Variants in CSMD1 observed in about 807,000 individuals in gnomAD.
The protein encoded by CSMD1 is CUB and Sushi multiple domains 1.
CSMD1 carries 213 observed loss-of-function variants against 417.5 expected under a neutral mutation model. The ratio of observed to expected loss-of-function variants is 0.51; its 90% CI spans 0.46 to 0.57. CSMD1 has a LOEUF of 0.57. Ranked by LOEUF, CSMD1 falls within the 20% of genes least tolerant of loss-of-function variation. CSMD1 has a pLI of 0.00. For missense variants in CSMD1, 6,923 were observed against 4,529.7 expected, an observed-to-expected ratio of 1.53 and a Z score of -15.17; for synonymous variants, 2,862 against 1,736.8, an observed-to-expected ratio of 1.65 and a Z score of -16.11.
chr8:3,578,303 A>T (rs1800237370), intron 9 of CSMD1, among the ~76,000 whole-genome samples: 1 of 130,840 alleles, frequency 7.6e-6, no homozygotes, highest in East Asian at 2.2e-4. Flanking sequence ...GAGTAGATCC[A>T]ATGAGTGAGT....
intron 1 of CSMD1, among the ~76,000 whole-genome samples, chr8:4,805,910 T>C (rs1798560631): frequency 6.6e-6 from 1 of 152,172 alleles, no homozygotes; most frequent in Admixed American, 6.5e-5. Flanking sequence ...TCAAATGCGA[T>C]GGCTTGTGGA....
At chr8:4,327,300 C>A (rs1322559426) in intron 3 of CSMD1, among the ~76,000 whole-genome samples, 1 of 152,126 alleles carries the variant, frequency 6.6e-6, no homozygotes, top group African/African-American at 2.4e-5. Context: ...TTACATTTTT[C>A]TCTTCCTTCT....
intron 5 of CSMD1, among the ~76,000 whole-genome samples, chr8:3,791,919 A>C (rs1212401682): frequency 6.6e-6 from 1 of 151,208 alleles, no homozygotes. Context: ...AATGGCAAAA[A>C]CCTCAATAGC....
At chr8:3,859,514 G>T (rs754060797) in intron 5 of CSMD1, among the ~76,000 whole-genome samples, 2 of 152,154 alleles carry the variant, frequency 1.3e-5, no homozygotes, top group African/African-American at 4.8e-5. Context: ...TTTACAGCAG[G>T]AGCTGGCCAC....
chr8:4,722,534 G>A (rs1466087167), intron 1 of CSMD1, among the ~76,000 whole-genome samples: 1 of 152,014 alleles, frequency 6.6e-6, no homozygotes, highest in Non-Finnish European at 1.5e-5. Flanking sequence ...AGTATGCTCT[G>A]AATGGGGTAG....
chr8:3,083,642 A>ATT (rs1814295758), intron 49 of CSMD1, among the ~76,000 whole-genome samples: 1 of 21,608 alleles, frequency 4.6e-5, no homozygotes. Context: ...ATATATATAT[A>ATT]TATATATTTT....
intron 5 of CSMD1, among the ~76,000 whole-genome samples, chr8:3,969,880 C>T (rs546378953): frequency 6.6e-6 from 1 of 152,134 alleles, no homozygotes; most frequent in Admixed American, 6.6e-5. Flanking sequence ...AATTAGAAAG[C>T]AAAGCTCTGG....
intron 11 of CSMD1, among the ~76,000 whole-genome samples, chr8:3,475,120 G>A (rs1817331247): frequency 6.6e-6 from 1 of 152,036 alleles, no homozygotes; most frequent in Non-Finnish European, 1.5e-5. Flanking sequence ...AACTCTTCCT[G>A]CTAAGCTAAG....
chr8:4,020,956 C>T (rs745831324), intron 4 of CSMD1, among the ~76,000 whole-genome samples: 3 of 152,196 alleles, frequency 2.0e-5, no homozygotes, highest in African/African-American at 7.2e-5. Context: ...GTGACGTGGA[C>T]TTTGATATCT....
chr8:4,454,343 A>C (rs1284060383), intron 2 of CSMD1, among the ~76,000 whole-genome samples: 1 of 152,136 alleles, frequency 6.6e-6, no homozygotes, highest in African/African-American at 2.4e-5. Context: ...ATGCAGCTTC[A>C]TCTTACTTTT....
chr8:4,234,888 A>G (rs1469470437), intron 3 of CSMD1, among the ~76,000 whole-genome samples: 1 of 152,116 alleles, frequency 6.6e-6, no homozygotes, highest in East Asian at 1.9e-4. Context: ...CGGTGTGTGA[A>G]CAAAAAACAG....
intron 3 of CSMD1, among the ~76,000 whole-genome samples, chr8:4,172,900 A>T (rs1013707894): frequency 6.6e-6 from 1 of 152,126 alleles, no homozygotes; most frequent in East Asian, 1.9e-4. Context: ...CCAGGAGTTG[A>T]GTCTGAGTCC....
chr8:4,489,673 C>A (rs1801599163), intron 2 of CSMD1, among the ~76,000 whole-genome samples: 2 of 152,168 alleles, frequency 1.3e-5, no homozygotes, highest in Admixed American at 6.5e-5. Context: ...GTGTGAGCAC[C>A]TATGTTTGAT....
chr8:4,362,707 A>T (rs2128908356), intron 3 of CSMD1, among the ~76,000 whole-genome samples: 1 of 152,346 alleles, frequency 6.6e-6, no homozygotes, highest in Middle Eastern at 3.4e-3. Context: ...AAGATTTGTA[A>T]GAGAAAAGGA....
chr8:3,024,711 T>C (rs1225188388), intron 51 of CSMD1, among the ~76,000 whole-genome samples: 1 of 152,246 alleles, frequency 6.6e-6, no homozygotes, highest in African/African-American at 2.4e-5. Flanking sequence ...TTTTCTCTGA[T>C]ACTATTAAGT....
chr8:4,192,852 G>C (rs969691304), intron 3 of CSMD1, among the ~76,000 whole-genome samples: 1 of 152,164 alleles, frequency 6.6e-6, no homozygotes, highest in African/African-American at 2.4e-5. Context: ...GATCACTCAT[G>C]TTCCTGTATT....
chr8:4,199,876 T>C (rs564723814), intron 3 of CSMD1, among the ~76,000 whole-genome samples: 1 of 152,152 alleles, frequency 6.6e-6, no homozygotes, highest in Non-Finnish European at 1.5e-5. Flanking sequence ...CATGACAATA[T>C]TTTTAGGCCC....
At chr8:3,037,032 C>T (rs1810727047) in intron 50 of CSMD1, among the ~76,000 whole-genome samples, 1 of 152,278 alleles carries the variant, frequency 6.6e-6, no homozygotes, top group South Asian at 2.1e-4. Flanking sequence ...GCATTTGCAT[C>T]CCTATAGATG....
At chr8:3,746,604 A>T (rs1307916727) in intron 6 of CSMD1, among the ~76,000 whole-genome samples, 1 of 152,210 alleles carries the variant, frequency 6.6e-6, no homozygotes, top group Non-Finnish European at 1.5e-5. Flanking sequence ...TTTATTCATT[A>T]ATTTAACATC....
Sources: gnomAD v4.1 joint callset for allele counts (sites outside exome capture counted in the v4.1 genomes callset) on GRCh38, gnomAD v4.1.1 for gene constraint, MANE v1.5 for transcripts, NCBI Gene and HGNC (gene_info 2026-07-23, HGNC 2026-07-21) for gene names.